MAP2: variants seen among roughly 807,000 people sequenced by gnomAD.
MAP2 encodes the protein microtubule-associated protein 2.
In MAP2, 14 loss-of-function variants were observed where a neutral mutation model predicts 137.6. The observed-to-expected ratio is 0.10, with a 90% CI of 0.07 to 0.16. The LOEUF is 0.16. Among genes scored for constraint, MAP2 ranks in the 10% least tolerant of loss-of-function variants. MAP2 has a pLI of 1.00. For missense variants in MAP2, 2,088 were observed against 2,191.5 expected (o/e 0.95, Z 0.94); for synonymous variants, 786 against 782.3 (o/e 1.00, Z -0.08).
At chr2:209,602,868 G>A (rs2153464009) in intron 3 of MAP2, among the ~76,000 whole-genome samples, 1 of 152,238 alleles carries the variant, frequency 6.6e-6, no homozygotes, top group Non-Finnish European at 1.5e-5. Context: ...TTCAGAGCTT[G>A]TACTGTTATC....
intron 2 of MAP2, among the ~76,000 whole-genome samples, chr2:209,529,199 A>C (rs2064710960): frequency 6.6e-6 from 1 of 152,108 alleles, no homozygotes. Flanking sequence ...TGGAGAGGAC[A>C]CTAAAGCTTC....
intron 3 of MAP2, among the ~76,000 whole-genome samples, chr2:209,615,683 G>A (rs1196046508): frequency 1.3e-5 from 2 of 152,098 alleles, no homozygotes; most frequent in African/African-American, 4.8e-5. Flanking sequence ...GCAGGTCCCC[G>A]GTGAAACGCC....
intron 5 of MAP2, among the ~76,000 whole-genome samples, chr2:209,678,217 G>A (rs570844691): frequency 6.6e-6 from 1 of 151,916 alleles, no homozygotes; most frequent in South Asian, 2.1e-4. Flanking sequence ...TTCAACATAT[G>A]ACTTTGGGGG....
At chr2:209,659,737 A>C (rs1204953906) in intron 5 of MAP2, among the ~76,000 whole-genome samples, 1 of 152,056 alleles carries the variant, frequency 6.6e-6, no homozygotes, top group Non-Finnish European at 1.5e-5. Context: ...ACTAGTAAAA[A>C]AAAAAAAATG....
chr2:209,592,447 G>C (rs552994459), intron 3 of MAP2, among the ~76,000 whole-genome samples: 117 of 152,108 alleles, frequency 7.7e-4, no homozygotes, highest in Admixed American at 5.8e-3. Context: ...TTTGACTGGA[G>C]CTCCTTGTGA....
intron 1 of MAP2, among the ~76,000 whole-genome samples, chr2:209,454,425 C>G (rs574839358): frequency 6.6e-6 from 1 of 152,124 alleles, no homozygotes; most frequent in African/African-American, 2.4e-5. Context: ...ACCTCTGCCT[C>G]CCGAGTTCAA....
At chr2:209,683,666 TTA>T (rs1182269360) in intron 7 of MAP2, among the ~76,000 whole-genome samples, 1 of 152,210 alleles carries the variant, frequency 6.6e-6, no homozygotes, top group Non-Finnish European at 1.5e-5. Context: ...AATATATTGC[TTA>T]TAGCAGGTCA....
intron 14 of MAP2, among the ~76,000 whole-genome samples, chr2:209,728,296 T>C (rs776854175): frequency 1.3e-5 from 2 of 152,178 alleles, no homozygotes; most frequent in Non-Finnish European, 2.9e-5. Context: ...CTCTAACCTC[T>C]AACCAAGATA....
Position 209,695,768 on chromosome 2 carries a change from C to T in MAP2, c.3598C>T (p.Pro1200Ser). The T allele has an allele frequency of 6.2e-7, 1 of 1,613,716 alleles. No individual in the cohort carries two copies. The highest frequency in any genetic ancestry group is 1.7e-5 in the Admixed American group (1 of 59,990). The change falls in exon 8 of 16, where the codon CCA (proline) becomes TCA (serine). Residue 1200 changes from proline (P) to serine (S), a missense_variant. Pro to Ser is a moderately conservative substitution (Grantham distance 74). Coordinates refer to ENST00000682079, the MANE Select transcript of MAP2 (RefSeq NM_001375505.1). ...TGTCCAGATGGAATTTATTCAGGGG[C>T]CAAAAGAAGAAAGCAAAGAGACCCC... ...ADVQMEFIQG[P>S]KEESKETPDI...
intron 4 of MAP2, among the ~76,000 whole-genome samples, chr2:209,638,819 A>G (rs561679540): frequency 1.3e-5 from 2 of 152,254 alleles, no homozygotes; most frequent in South Asian, 2.1e-4. Context: ...GTCAGAGTCT[A>G]TATCTTAATC....
At chr2:209,696,888 G>T in intron 9 of MAP2, 29 bp from the exon 10 acceptor site, 1 of 1,580,862 alleles carries the variant, frequency 6.3e-7, no homozygotes, top group Admixed American at 2.0e-5. Flanking sequence ...TTTCCTGATG[G>T]TATGCTTTTT....
intron 5 of MAP2, chr2:209,661,613 G>A (rs1253293546): frequency 1.0e-6 from 1 of 985,466 alleles, no homozygotes; most frequent in Non-Finnish European, 1.2e-6. Context: ...TCCTTCTAAA[G>A]GTTAGGCATC....
chr2:209,653,719 T>C (rs931374189), intron 5 of MAP2, among the ~76,000 whole-genome samples: 5 of 152,246 alleles, frequency 3.3e-5, no homozygotes, highest in African/African-American at 1.2e-4. Context: ...TTTAACTCAT[T>C]GAAAGAAAAC....
intron 3 of MAP2, among the ~76,000 whole-genome samples, chr2:209,623,013 A>G (rs957417660): frequency 6.6e-6 from 1 of 152,196 alleles, no homozygotes; most frequent in Non-Finnish European, 1.5e-5. Context: ...TTTCACTTTC[A>G]TTCATATGTA....
intron 4 of MAP2, among the ~76,000 whole-genome samples, chr2:209,647,578 G>A (rs2094496171): frequency 1.3e-5 from 2 of 152,122 alleles, no homozygotes; most frequent in African/African-American, 4.8e-5. Context: ...CAATATGTTA[G>A]AAATCTGATC....
chr2:209,444,435 G>T (rs1182061289), intron 1 of MAP2, among the ~76,000 whole-genome samples: 2 of 151,472 alleles, frequency 1.3e-5, no homozygotes, highest in Non-Finnish European at 3.0e-5. Context: ...TGACAAGTAC[G>T]TGAGACTGTC....
At chr2:209,519,840 A>C (rs1185003320) in intron 2 of MAP2, among the ~76,000 whole-genome samples, 2 of 152,090 alleles carry the variant, frequency 1.3e-5, no homozygotes, top group Non-Finnish European at 2.9e-5. Context: ...GGAAAGATTG[A>C]AGTAAGATGA....
At chr2:209,667,514 C>CTCCT (rs1351902794) in intron 5 of MAP2, among the ~76,000 whole-genome samples, 1 of 151,738 alleles carries the variant, frequency 6.6e-6, no homozygotes, top group African/African-American at 2.4e-5. Flanking sequence ...ATGATCAGGG[C>CTCCT]TCCTGTACAT....
chr2:209,678,746 G>A, intron 6 of MAP2, 61 bp downstream of exon 6: 2 of 957,868 alleles, frequency 2.1e-6, no homozygotes, highest in Non-Finnish European at 3.1e-6. Context: ...ACAGGATAAA[G>A]TCTTCATGTT....
Sources: gnomAD v4.1 joint callset for allele counts (sites outside exome capture counted in the v4.1 genomes callset) on GRCh38, gnomAD v4.1.1 for gene constraint, MANE v1.5 for transcripts, NCBI Gene and HGNC (gene_info 2026-07-23, HGNC 2026-07-21) for gene names.